Variants in CSMD1 observed in about 807,000 individuals in gnomAD.
CSMD1 encodes the protein CUB and sushi domain-containing protein 1.
CSMD1 carries 213 observed loss-of-function variants against 417.5 expected under a neutral mutation model. The observed-to-expected ratio is 0.51, with a 90% confidence interval of 0.46 to 0.57. The LOEUF (loss-of-function observed/expected upper bound fraction) is 0.57, where lower values mean the gene tolerates loss of function less well. CSMD1 is among the 20% of genes least tolerant of loss of function. CSMD1 has a pLI of 0.00. For synonymous variants in CSMD1, 2,862 were observed against 1,736.8 expected (o/e 1.65, Z -16.11); for missense variants, 6,923 against 4,529.7 (o/e 1.53, Z -15.17).
Position 2,965,138 on chromosome 8 carries a change from C to T in CSMD1, c.9280+637G>A, listed in dbSNP as rs145879119. 1.8e-3 allele frequency among the ~76,000 whole-genome samples: 280 copies of T among 152,282 alleles called. 1 individual carries two copies. The highest frequency in any genetic ancestry group is 6.4e-3 in the African/African-American group (268 of 41,558). On this transcript the variant is annotated intron_variant, in intron 59 of 69. Transcript: ENST00000635120. ...TCACCACGCAAATCCCTGGCCCTTG[C>T]ACAGCCGCCACTCAGCCCTGCTCCC...
At chr8:3,395,207 T>C (rs552210969) in intron 17 of CSMD1, among the ~76,000 whole-genome samples, 1 of 152,200 alleles carries the variant, frequency 6.6e-6, no homozygotes, top group Admixed American at 6.5e-5. Flanking sequence ...TTTAAAAACA[T>C]CTTTACAATA....
chr8:4,644,817 G>C (rs1563364058), intron 1 of CSMD1, among the ~76,000 whole-genome samples: 1 of 152,234 alleles, frequency 6.6e-6, no homozygotes. Context: ...CCTTCCAAGA[G>C]TGAAGATAAT....
intron 3 of CSMD1, among the ~76,000 whole-genome samples, chr8:4,327,396 T>C (rs1413474209): frequency 6.6e-6 from 1 of 152,146 alleles, no homozygotes; most frequent in East Asian, 1.9e-4. Flanking sequence ...TGCTAATGTA[T>C]TTCCTTGGGC....
rs960406708 is a variant in CSMD1, at chr8:3,023,848, G to T, written c.7856-5198C>A. Among the ~76,000 whole-genome samples, 31 of 145,572 alleles carry T rather than the reference G, an allele frequency of 2.1e-4. 1 individual carries two copies. Among genetic ancestry groups the T allele is most frequent in the Admixed American group, 1.9e-3 (28 of 14,586 alleles). ...CAGGGCCACTCTAAAATGAACACTG[G>T]GGAGTCAAAAAAAAAAAAAAAAGGA... On this transcript the variant is annotated intron_variant, in intron 51 of 69. Coordinates refer to ENST00000635120, the MANE Select transcript of CSMD1 (RefSeq NM_033225.6).
At chr8:3,171,561 C>G (rs1341229328) in intron 37 of CSMD1, among the ~76,000 whole-genome samples, 4 of 152,176 alleles carry the variant, frequency 2.6e-5, no homozygotes, top group African/African-American at 9.6e-5. Flanking sequence ...TCTTTATTCC[C>G]TAGTTACTTA....
chr8:4,386,946 C>G (rs886995031), intron 3 of CSMD1, among the ~76,000 whole-genome samples: 1 of 152,072 alleles, frequency 6.6e-6, no homozygotes, highest in African/African-American at 2.4e-5. Context: ...ATAGAAAAAT[C>G]ATGAAGTGTA....
intron 3 of CSMD1, among the ~76,000 whole-genome samples, chr8:4,112,786 G>A (rs530400512): frequency 2.0e-5 from 3 of 152,160 alleles, no homozygotes; most frequent in Admixed American, 1.3e-4. Flanking sequence ...CCAAACGTTA[G>A]AATTTTATAC....
intron 37 of CSMD1, among the ~76,000 whole-genome samples, chr8:3,175,495 G>GCCTTCCTTCCTT (rs1554451356): frequency 9.5e-6 from 1 of 105,588 alleles, no homozygotes; most frequent in Admixed American, 1.3e-4. Context: ...CTGCCTGCCT[G>GCCTTCCTTCCTT]CCTGCCTGCC....
chr8:3,837,855 T>G (rs549199363), intron 5 of CSMD1, among the ~76,000 whole-genome samples: 1 of 152,276 alleles, frequency 6.6e-6, no homozygotes, highest in South Asian at 2.1e-4. Flanking sequence ...TGCCACAGCT[T>G]CATTCCAACC....
intron 50 of CSMD1, among the ~76,000 whole-genome samples, chr8:3,046,948 G>C (rs1490997375): frequency 6.6e-6 from 1 of 152,224 alleles, no homozygotes. Context: ...GCCAGGCGCA[G>C]TGGCTGATGC....
intron 2 of CSMD1, among the ~76,000 whole-genome samples, chr8:4,609,903 A>T (rs969271709): frequency 6.6e-6 from 1 of 152,114 alleles, no homozygotes; most frequent in African/African-American, 2.4e-5. Flanking sequence ...AAAAAGAAGG[A>T]TCCCCTTTAC....
intron 10 of CSMD1, among the ~76,000 whole-genome samples, chr8:3,562,178 G>C (rs1227558211): frequency 1.3e-5 from 2 of 152,142 alleles, no homozygotes; most frequent in Non-Finnish European, 2.9e-5. Context: ...TAGTAGGTGG[G>C]GAAAGATGGA....
In CSMD1 at chr8:4,823,340, TATTACA is replaced by T. The variant is rs372042907; in HGVS notation, c.85+170986_85+170991del. 9.5e-4 allele frequency among the ~76,000 whole-genome samples: 145 copies of T among 152,200 alleles called. 2 individuals carry two copies. The highest frequency in any genetic ancestry group is 3.2e-3 in the African/African-American group (133 of 41,538). On this transcript the variant is annotated intron_variant, in intron 1 of 69. Transcript: ENST00000635120. ...CTGTGATGACTTAGTTTTTAAAATGTATTACAATTACAATTACACTCTACAAGTATG... is the reference window on the plus strand; with the variant it reads ...CTGTGATGACTTAGTTTTTAAAATGTATTACAATTACACTCTACAAGTATG...
chr8:3,493,854 G>A (rs780915173), intron 10 of CSMD1, 128 bp from the exon 11 acceptor site: 1 of 634,854 alleles, frequency 1.6e-6, no homozygotes, highest in Non-Finnish European at 2.7e-6. Flanking sequence ...TGATCCCAGA[G>A]CTGCTTTAAG....
At chr8:4,534,952 G>A (rs1313074058) in intron 2 of CSMD1, among the ~76,000 whole-genome samples, 2 of 152,002 alleles carry the variant, frequency 1.3e-5, no homozygotes, top group African/African-American at 2.4e-5. Flanking sequence ...TAATAGAGAC[G>A]GGGTTTCCCC....
intron 2 of CSMD1, among the ~76,000 whole-genome samples, chr8:4,530,374 C>T (rs921093206): frequency 7.7e-5 from 9 of 117,584 alleles, no homozygotes; most frequent in African/African-American, 3.3e-5. Context: ...ACTTGCTGAA[C>T]GTGCAGGTTT....
chr8:3,869,996 A>C (rs534577939), intron 5 of CSMD1, among the ~76,000 whole-genome samples: 4 of 151,942 alleles, frequency 2.6e-5, no homozygotes, highest in Non-Finnish European at 4.4e-5. Flanking sequence ...ACATAACTAG[A>C]GGAAAAGTGT....
intron 3 of CSMD1, among the ~76,000 whole-genome samples, chr8:4,125,975 T>C (rs747727996): frequency 6.6e-6 from 1 of 152,104 alleles, no homozygotes; most frequent in East Asian, 1.9e-4. Flanking sequence ...AAACCTAAGA[T>C]CTAAGATCGG....
At chr8:4,464,942 C>G (rs915319556) in intron 2 of CSMD1, among the ~76,000 whole-genome samples, 2 of 152,068 alleles carry the variant, frequency 1.3e-5, no homozygotes, top group Admixed American at 1.3e-4. Flanking sequence ...ATATTCAAAC[C>G]AGATGTGCTT....
Sources: gnomAD v4.1 joint callset for allele counts (sites outside exome capture counted in the v4.1 genomes callset) on GRCh38, gnomAD v4.1.1 for gene constraint, MANE v1.5 for transcripts, NCBI Gene and HGNC (gene_info 2026-07-23, HGNC 2026-07-21) for gene names.